Variants in GALNT17 observed in about 807,000 individuals in gnomAD.
GALNT17 encodes polypeptide N-acetylgalactosaminyltransferase 17.
In GALNT17, 29 loss-of-function variants were observed where a neutral mutation model predicts 63.7. The observed-to-expected ratio is 0.46, with a 90% CI of 0.34 to 0.62. The LOEUF (loss-of-function observed/expected upper bound fraction) is 0.62. Among genes scored for constraint, GALNT17 ranks in the 20% least tolerant of loss-of-function variants. The probability of loss-of-function intolerance (pLI) is 0.01; values close to 1 mark genes in which losing one functional copy is unlikely to be tolerated. For synonymous variants in GALNT17, 305 were observed against 318.3 expected (o/e 0.96, Z 0.45); for missense variants, 603 against 799.6 (o/e 0.75, Z 2.97).
chr7:71,698,947 A>C (rs1417882766), intron 9 of GALNT17, among the ~76,000 whole-genome samples: 2 of 151,134 alleles, frequency 1.3e-5, no homozygotes, highest in African/African-American at 2.4e-5. Context: ...CGAGGGGGGC[A>C]GATTGCCAGA....
intron 6 of GALNT17, among the ~76,000 whole-genome samples, chr7:71,597,341 C>G (rs1158772917): frequency 6.6e-6 from 1 of 151,376 alleles, no homozygotes; most frequent in Non-Finnish European, 1.5e-5. Context: ...GCCCGGCCTA[C>G]AAAAAAGTTT....
intron 2 of GALNT17, among the ~76,000 whole-genome samples, chr7:71,355,537 G>A (rs769199353): frequency 8.0e-5 from 12 of 150,654 alleles, no homozygotes; most frequent in African/African-American, 2.5e-4. Context: ...ATCAGAGAGT[G>A]TCTTTTTTTT....
intron 2 of GALNT17, among the ~76,000 whole-genome samples, chr7:71,340,185 G>A (rs1266628178): frequency 2.6e-5 from 4 of 152,176 alleles, no homozygotes; most frequent in African/African-American, 9.7e-5. Context: ...CAGAAGGGAT[G>A]GTTAGCAGTT....
At chr7:71,447,304 TCA>T (rs1787178871) in intron 5 of GALNT17, among the ~76,000 whole-genome samples, 1 of 152,162 alleles carries the variant, frequency 6.6e-6, no homozygotes, top group African/African-American at 2.4e-5. Flanking sequence ...CTAGAATGAA[TCA>T]CAGAGCTCAA....
chr7:71,674,380 C>G (rs1426088739), intron 8 of GALNT17, among the ~76,000 whole-genome samples: 1 of 151,586 alleles, frequency 6.6e-6, no homozygotes, highest in Non-Finnish European at 1.5e-5. Flanking sequence ...GGGTCTTGCT[C>G]TGTTGCCCAG....
intron 6 of GALNT17, among the ~76,000 whole-genome samples, chr7:71,656,190 A>G (rs543568462): frequency 1.1e-4 from 17 of 152,340 alleles, no homozygotes; most frequent in African/African-American, 4.1e-4. Context: ...AGCCTAGTAA[A>G]GAAGGGAGAA....
At chr7:71,500,694 G>A (rs1788166558) in intron 5 of GALNT17, among the ~76,000 whole-genome samples, 1 of 152,038 alleles carries the variant, frequency 6.6e-6, no homozygotes, top group African/African-American at 2.4e-5. Context: ...TTTCTTCCAG[G>A]GCTCTTTCCT....
intron 5 of GALNT17, among the ~76,000 whole-genome samples, chr7:71,490,061 G>C (rs1463738925): frequency 6.6e-6 from 1 of 151,904 alleles, no homozygotes; most frequent in African/African-American, 2.4e-5. Flanking sequence ...TTTGAGACCA[G>C]CCTGGCCAAC....
intron 7 of GALNT17, among the ~76,000 whole-genome samples, chr7:71,667,442 A>G (rs889847708): frequency 6.6e-6 from 1 of 152,162 alleles, no homozygotes; most frequent in African/African-American, 2.4e-5. Flanking sequence ...CGTTATTTGT[A>G]ATATCTTATT....
intron 2 of GALNT17, among the ~76,000 whole-genome samples, chr7:71,363,433 G>C (rs1197420010): frequency 6.6e-6 from 1 of 152,176 alleles, no homozygotes; most frequent in Non-Finnish European, 1.5e-5. Flanking sequence ...GTTGTGTCCT[G>C]GTCACTCTAG....
intron 2 of GALNT17, among the ~76,000 whole-genome samples, chr7:71,358,743 CTTTTCTTTCTT>C (rs1792339295): frequency 6.6e-6 from 1 of 151,908 alleles, no homozygotes; most frequent in African/African-American, 2.4e-5. Context: ...CATAAGTTTG[CTTTTCTTTCTT>C]TTTTCTTTTC....
chr7:71,239,021 A>G (rs1009488921), intron 1 of GALNT17, among the ~76,000 whole-genome samples: 14 of 152,060 alleles, frequency 9.2e-5, no homozygotes, highest in Middle Eastern at 3.2e-3. Flanking sequence ...TCTGGAGGAG[A>G]ATTCCCCCTT....
At chr7:71,388,908 C>T (rs2116345106) in intron 3 of GALNT17, among the ~76,000 whole-genome samples, 1 of 152,224 alleles carries the variant, frequency 6.6e-6, no homozygotes, top group African/African-American at 2.4e-5. Context: ...TCCCCAACCC[C>T]AGGGCCATGG....
At chr7:71,472,680 G>T (rs1787652634) in intron 5 of GALNT17, among the ~76,000 whole-genome samples, 1 of 150,650 alleles carries the variant, frequency 6.6e-6, no homozygotes. Flanking sequence ...GTGAGACTTT[G>T]TCTCAAAAAC....
At chr7:71,260,662 G>T (rs1790369532) in intron 1 of GALNT17, among the ~76,000 whole-genome samples, 1 of 151,556 alleles carries the variant, frequency 6.6e-6, no homozygotes, top group South Asian at 2.1e-4. Context: ...GAGTGCAGTG[G>T]TATGATCCCA....
intron 5 of GALNT17, among the ~76,000 whole-genome samples, chr7:71,447,019 C>G (rs1433622768): frequency 6.6e-6 from 1 of 152,186 alleles, no homozygotes; most frequent in East Asian, 1.9e-4. Context: ...AATTCACACA[C>G]TACTCATTCC....
At chr7:71,342,484 A>G (rs920091489) in intron 2 of GALNT17, among the ~76,000 whole-genome samples, 10 of 152,196 alleles carry the variant, frequency 6.6e-5, no homozygotes, top group Admixed American at 3.3e-4. Flanking sequence ...CATCCCAACC[A>G]TATTACTGAT....
intron 3 of GALNT17, among the ~76,000 whole-genome samples, chr7:71,403,186 C>G (rs1021410601): frequency 3.3e-5 from 5 of 152,166 alleles, no homozygotes; most frequent in African/African-American, 1.2e-4. Context: ...ACAAGAAGAA[C>G]AACAACAAAA....
At chr7:71,182,996 A>T (rs546450491) in intron 1 of GALNT17, among the ~76,000 whole-genome samples, 6 of 152,318 alleles carry the variant, frequency 3.9e-5, no homozygotes, top group African/African-American at 1.2e-4. Context: ...CAGACCGTGT[A>T]CATTTCATGC....
Sources: gnomAD v4.1 joint callset for allele counts (sites outside exome capture counted in the v4.1 genomes callset) on GRCh38, gnomAD v4.1.1 for gene constraint, MANE v1.5 for transcripts, NCBI Gene and HGNC (gene_info 2026-07-23, HGNC 2026-07-21) for gene names.